Variants in PALM2AKAP2 observed in about 807,000 individuals in gnomAD.
The protein encoded by PALM2AKAP2 is PALM2-AKAP2 fusion protein.
A neutral mutation model predicts 71.5 loss-of-function variants in PALM2AKAP2; 37 were observed. The ratio of observed to expected loss-of-function variants is 0.52; its 90% CI spans 0.40 to 0.68. The LOEUF (loss-of-function observed/expected upper bound fraction) is 0.68. Ranked by LOEUF, PALM2AKAP2 falls within the 30% of genes least tolerant of loss-of-function variation. PALM2AKAP2 has a pLI of 0.00. For synonymous variants in PALM2AKAP2, 468 were observed against 478.8 expected (o/e 0.98, Z 0.29); for missense variants, 1,224 against 1,191.8 (o/e 1.03, Z -0.40).
chr9:109,958,656 AAAGG>A (rs899348381), intron 6 of PALM2AKAP2, among the ~76,000 whole-genome samples: 3 of 152,100 alleles, frequency 2.0e-5, no homozygotes, highest in African/African-American at 7.2e-5. Context: ...GAGAGAAAGA[AAAGG>A]AAGAAAGGAA....
intron 1 of PALM2AKAP2, among the ~76,000 whole-genome samples, chr9:110,061,989 CTT>C (rs1833974924): frequency 7.1e-6 from 1 of 140,330 alleles, no homozygotes; most frequent in Non-Finnish European, 1.5e-5. Flanking sequence ...ACTATGCTGC[CTT>C]CTTAGTGCTT....
At chr9:110,009,497 G>A (rs1054128938) in intron 6 of PALM2AKAP2, among the ~76,000 whole-genome samples, 2 of 151,890 alleles carry the variant, frequency 1.3e-5, no homozygotes, top group African/African-American at 2.4e-5. Flanking sequence ...GGTGGATCAC[G>A]AGGTCAGGAG....
intron 1 of PALM2AKAP2, among the ~76,000 whole-genome samples, chr9:109,765,732 G>C (rs962591964): frequency 6.6e-6 from 1 of 152,190 alleles, no homozygotes; most frequent in Non-Finnish European, 1.5e-5. Flanking sequence ...AGGGCAGTTT[G>C]TAAAAAATGC....
chr9:110,118,688 T>A (rs147868840), intron 1 of PALM2AKAP2, among the ~76,000 whole-genome samples: 8 of 152,294 alleles, frequency 5.3e-5, no homozygotes, highest in African/African-American at 1.7e-4. Flanking sequence ...AGTTAATATA[T>A]GCACATATTC....
chr9:109,799,901 C>T lies in PALM2AKAP2; in HGVS notation c.45+19368C>T, dbSNP rs182367695. On this transcript the variant is annotated intron_variant, in intron 1 of 9. Coordinates refer to the PALM2AKAP2 transcript ENST00000302798. ...CTTAGAGCTGATGGAAAACCAGTTT[C>T]GAGTTGGAATGTGGAGGCTATTTCT... 1.2e-4 allele frequency among the ~76,000 whole-genome samples: 18 copies of T among 152,286 alleles called. No individual in the cohort carries two copies. The East Asian group carries it at 1.3e-3, about 11-fold the overall frequency.
At chr9:110,145,554 C>CAT (rs1474219310) in intron 2 of PALM2AKAP2, among the ~76,000 whole-genome samples, 5 of 152,104 alleles carry the variant, frequency 3.3e-5, no homozygotes. Context: ...GTACTAGGGT[C>CAT]AAAGTCAACT....
intron 3 of PALM2AKAP2, among the ~76,000 whole-genome samples, chr9:109,909,095 T>G (rs1226058383): frequency 6.6e-6 from 1 of 151,616 alleles, no homozygotes; most frequent in Non-Finnish European, 1.5e-5. Context: ...CTTATGGTTT[T>G]ATTTAGGTGA....
chr9:110,050,630 T>C (rs111702701), intron 1 of PALM2AKAP2, among the ~76,000 whole-genome samples: 1,756 of 150,696 alleles, frequency 0.012, 28 homozygotes, highest in African/African-American at 0.041. Flanking sequence ...CTTTTCTTTT[T>C]TTTTCTTTTC....
intron 1 of PALM2AKAP2, among the ~76,000 whole-genome samples, chr9:109,658,320 T>C (rs1827338501): frequency 6.6e-6 from 1 of 152,080 alleles, no homozygotes; most frequent in Non-Finnish European, 1.5e-5. Flanking sequence ...AGATTCAAGT[T>C]GATAGGCAGA....
At chr9:110,135,899 A>T (rs1835852742) in intron 1 of PALM2AKAP2, among the ~76,000 whole-genome samples, 2 of 152,228 alleles carry the variant, frequency 1.3e-5, no homozygotes. Flanking sequence ...AAAATTTAAA[A>T]ATGGCACTAG....
chr9:109,973,757 C>T lies in PALM2AKAP2; in HGVS notation c.496+41729C>T, dbSNP rs184956070. On this transcript the variant is annotated intron_variant, in intron 6 of 9. Coordinates refer to the PALM2AKAP2 transcript ENST00000302798. ...GGTAGGTATTATTATCCTCATTTTACAGAGTGGAAAATTGAGGTTTGGTGT... is the reference window on the plus strand; with the variant it reads ...GGTAGGTATTATTATCCTCATTTTATAGAGTGGAAAATTGAGGTTTGGTGT... Among the ~76,000 whole-genome samples, 10 of 152,306 alleles carry T rather than the reference C, an allele frequency of 6.6e-5. No individual in the cohort carries two copies. The East Asian group carries it at 1.9e-3, about 29-fold the overall frequency.
intron 1 of PALM2AKAP2, among the ~76,000 whole-genome samples, chr9:109,857,741 G>A (rs975699340): frequency 6.6e-5 from 10 of 152,198 alleles, no homozygotes; most frequent in Admixed American, 3.3e-4. Flanking sequence ...CCTTACAGTA[G>A]CTAAGTTTAG....
intron 6 of PALM2AKAP2, among the ~76,000 whole-genome samples, chr9:109,974,641 C>A (rs558302374): frequency 6.6e-6 from 1 of 152,226 alleles, no homozygotes; most frequent in South Asian, 2.1e-4. Context: ...GAAAAAAATC[C>A]CCTGCAATGG....
At chr9:109,655,416 A>C (rs115052547) in intron 1 of PALM2AKAP2, among the ~76,000 whole-genome samples, 3,075 of 152,078 alleles carry the variant, frequency 0.02, 108 homozygotes, top group African/African-American at 0.066. Flanking sequence ...CTTTCTCTCT[A>C]TATATATGTA....
exon 4 of PALM2AKAP2, chr9:110,169,702 A>C (rs1419004801): frequency 6.6e-6 from 1 of 152,490 alleles, no homozygotes; most frequent in Non-Finnish European, 1.5e-5. Context: ...GAATAGAAAT[A>C]AGTGCAGGCT....
intron 1 of PALM2AKAP2, among the ~76,000 whole-genome samples, chr9:109,678,631 T>C (rs1827683022): frequency 6.6e-6 from 1 of 152,128 alleles, no homozygotes; most frequent in African/African-American, 2.4e-5. Context: ...GGAGAGGTGA[T>C]CAATGAGCCT....
intron 1 of PALM2AKAP2, among the ~76,000 whole-genome samples, chr9:109,784,551 C>G (rs955788529): frequency 6.6e-6 from 1 of 152,206 alleles, no homozygotes; most frequent in Admixed American, 6.5e-5. Context: ...GCTAAAGACA[C>G]AAACTCAGAG....
chr9:110,077,457 T>C (rs1023862985), intron 1 of PALM2AKAP2, among the ~76,000 whole-genome samples: 2 of 152,152 alleles, frequency 1.3e-5, no homozygotes, highest in Non-Finnish European at 2.9e-5. Flanking sequence ...TGAGAAACCT[T>C]AGACAGAAAG....
intron 1 of PALM2AKAP2, among the ~76,000 whole-genome samples, chr9:109,758,084 T>C (rs2118727590): frequency 6.6e-6 from 1 of 152,132 alleles, no homozygotes; most frequent in South Asian, 2.1e-4. Flanking sequence ...AGCCATACAT[T>C]CTCCAATCAC....
Sources: gnomAD v4.1 joint callset for allele counts (sites outside exome capture counted in the v4.1 genomes callset) on GRCh38, gnomAD v4.1.1 for gene constraint, MANE v1.5 for transcripts, NCBI Gene and HGNC (gene_info 2026-07-23, HGNC 2026-07-21) for gene names.